The following GALNT9 variants were observed in gnomAD, a reference collection of about 807,000 sequenced individuals.
GALNT9 encodes the protein GalNAc transferase 9.
In GALNT9, 47 loss-of-function variants were observed where a neutral mutation model predicts 63.1. The ratio of observed to expected loss-of-function variants is 0.75; its 90% CI spans 0.59 to 0.95. GALNT9 has a LOEUF of 0.95. Among genes scored for constraint, GALNT9 ranks in the 40% least tolerant of loss-of-function variants. The probability of loss-of-function intolerance (pLI) is 0.00; values close to 1 mark genes in which losing one functional copy is unlikely to be tolerated. For missense variants in GALNT9, 829 were observed against 874.8 expected, an observed-to-expected ratio of 0.95 and a Z score of 0.66; for synonymous variants, 396 against 365.7, an observed-to-expected ratio of 1.08 and a Z score of -0.94.
chr12:132,225,315 C>T (rs1877609224), intron 6 of GALNT9, among the ~76,000 whole-genome samples: 1 of 135,610 alleles, frequency 7.4e-6, no homozygotes, highest in African/African-American at 2.8e-5. Flanking sequence ...ACACAACCCA[C>T]ATGCCACACA....
chr12:132,201,224 A>G lies in GALNT9; in HGVS notation c.1301T>C (p.Leu434Pro). Residue 434 changes from leucine to proline, a missense_variant, in exon 8 of 11, where the codon CTG (leucine) becomes CCG (proline). Leu to Pro is a moderately conservative substitution (Grantham distance 98). Transcript: ENST00000328957. ...ACACTTCAGCCTCTGACGCAGGGCC[A>G]GCCTCTCAGACACGTCCCCGAAGTC... ...GVDFGDVSER[L>P]ALRQRLKCRS... is the part of the protein sequence containing the mutation. 3 of 1,613,498 alleles carry G rather than the reference A, an allele frequency of 1.9e-6. No individual in the cohort carries two copies. The highest frequency in any genetic ancestry group is 2.5e-6 in the Non-Finnish European group (3 of 1,179,554).
chr12:132,201,302 C>G, intron 7 of GALNT9, 41 bp from the exon 8 acceptor site: 1 of 1,461,868 alleles, frequency 6.8e-7, no homozygotes, highest in African/African-American at 1.4e-5. Context: ...ATGGGTGTCA[C>G]CATGACCTGG....
intron 1 of GALNT9, among the ~76,000 whole-genome samples, chr12:132,313,449 CCATCCACT>C: frequency 6.7e-6 from 1 of 149,200 alleles, no homozygotes; most frequent in Middle Eastern, 3.5e-3. Flanking sequence ...ATCCATCCAT[CCATCCACT>C]CACCCACCCA....
At chr12:132,247,206 C>T (rs968088232) in intron 6 of GALNT9, among the ~76,000 whole-genome samples, 8 of 151,976 alleles carry the variant, frequency 5.3e-5, no homozygotes, top group African/African-American at 1.9e-4. Context: ...CAGACACAGT[C>T]CCGGGAGGCA....
chr12:132,203,799 CACCCCCACCACCGACG>C, intron 6 of GALNT9, 109 bp from the exon 7 acceptor site: 2 of 1,186,828 alleles, frequency 1.7e-6, no homozygotes, highest in African/African-American at 3.1e-5. Flanking sequence ...GTTCCTGGGG[CACCCCCACCACCGACG>C]GGCCTGGTGG....
In GALNT9 at chr12:132,315,804, A is replaced by G. The variant is rs1868482939; in HGVS notation, c.238+13162T>C. On this transcript the variant is annotated intron_variant, in intron 1 of 10. Transcript: ENST00000328957. The surrounding 1 kb of genome is among the most constrained non-coding windows in gnomAD (Gnocchi z 6.1). ...GCTGAGCCACCCACTCATACTCCCC[A>G]CCGCGTCACACAGGGTGTGAGTGAC... 6.6e-6 allele frequency among the ~76,000 whole-genome samples: 1 copy of G among 152,080 alleles called. No homozygotes were observed. Among genetic ancestry groups the G allele is most frequent in the South Asian group, 2.1e-4 (1 of 4,818 alleles).
intron 1 of GALNT9, among the ~76,000 whole-genome samples, chr12:132,305,166 G>C (rs1185374920): frequency 6.3e-4 from 13 of 20,614 alleles, no homozygotes; most frequent in Non-Finnish European, 8.2e-4. Flanking sequence ...CCTGGGCACA[G>C]CCTCGCCCGG....
rs573857585 is a variant in GALNT9 at position 132,328,945 on chromosome 12, C to T, written c.238+21G>A. The T allele has an allele frequency of 1.5e-4, 232 of 1,500,828 alleles. 1 individual carries two copies. Among genetic ancestry groups the T allele is most frequent in the Non-Finnish European group, 2.0e-4 (221 of 1,124,372 alleles). 93.0% of individuals were successfully genotyped at this position (1,500,828 alleles called of 1,614,324 possible). ...GTCCCGGGCAGGGCTGCCCCCACTC[C>T]GCCCCGGCGCCCCCGCTCACCGTTG... On this transcript the variant is annotated intron_variant, in intron 1 of 10. Coordinates refer to ENST00000328957, the MANE Select transcript of GALNT9 (RefSeq NM_001122636.2).
In GALNT9 at chr12:132,257,668, AC is replaced by A; in HGVS notation, c.959+20del. 1 of 1,530,936 alleles carries A rather than the reference AC, an allele frequency of 6.5e-7. No individual in the cohort carries two copies. 94.8% of individuals were successfully genotyped at this position (1,530,936 alleles called of 1,614,324 possible). Reference sequence around the variant, plus strand: ...TCCTTGCCGGGCAGGGCCGCCCTCGACCCCTGAGGGCGCAGCTCACCTGATG... The same window carrying A: ...TCCTTGCCGGGCAGGGCCGCCCTCGACCCTGAGGGCGCAGCTCACCTGATG... On this transcript the variant is annotated intron_variant, in intron 5 of 10. Transcript: ENST00000328957.
intron 2 of GALNT9, among the ~76,000 whole-genome samples, chr12:132,281,350 G>A (rs1438824059): frequency 5.9e-5 from 9 of 152,208 alleles, no homozygotes; most frequent in African/African-American, 1.9e-4. Flanking sequence ...GCAGGCGAGG[G>A]GCCAGGAGGC....
chr12:132,295,265 C>T (rs1881011811), intron 1 of GALNT9, among the ~76,000 whole-genome samples: 1 of 152,238 alleles, frequency 6.6e-6, no homozygotes, highest in African/African-American at 2.4e-5. Flanking sequence ...GGGCACCATG[C>T]AGGCAGGGAA....
intron 1 of GALNT9, among the ~76,000 whole-genome samples, chr12:132,301,580 C>T (rs966767684): frequency 3.3e-5 from 5 of 152,256 alleles, no homozygotes; most frequent in African/African-American, 4.8e-5. Context: ...GAACATTCAC[C>T]GCCGGCACAG....
intron 1 of GALNT9, among the ~76,000 whole-genome samples, chr12:132,324,284 G>A (rs533265062): frequency 3.3e-5 from 5 of 152,314 alleles, no homozygotes; most frequent in East Asian, 3.9e-4. Context: ...CGAGACGCAC[G>A]CGTGGCGGCA....
intron 5 of GALNT9, among the ~76,000 whole-genome samples, chr12:132,256,671 GAGGGGGGACACTGGA>G (rs1333735713): frequency 1.2e-4 from 13 of 111,052 alleles, no homozygotes; most frequent in African/African-American, 4.4e-4. Flanking sequence ...GGGGACGCTG[GAGGGGGGACACTGGA>G]AGGGGGGACA....
rs1869104915 is a variant in GALNT9, at chr12:132,327,860, G to A, written c.238+1106C>T. On this transcript the variant is annotated intron_variant, in intron 1 of 10. Coordinates refer to ENST00000328957, the MANE Select transcript of GALNT9 (RefSeq NM_001122636.2). The surrounding 1 kb of genome is among the most constrained non-coding windows in gnomAD (Gnocchi z 4.3). ...CAGCCCACCCTCAAGAGAGGGTGTG[G>A]CTCCTGAAGGAAACGCAAGACCACC... 6.6e-6 allele frequency among the ~76,000 whole-genome samples: 1 copy of A among 151,252 alleles called. No homozygotes were observed. The highest frequency in any genetic ancestry group is 2.0e-4 in the East Asian group (1 of 5,114).
chr12:132,230,022 C>T, intron 6 of GALNT9, among the ~76,000 whole-genome samples: 1 of 152,326 alleles, frequency 6.6e-6, no homozygotes, highest in Middle Eastern at 3.4e-3. Flanking sequence ...CCCGGTGCCG[C>T]CCCCTTGAAC....
At position 132,252,916 on chromosome 12, in the gene GALNT9, C is replaced by T. The variant is rs531943828; in HGVS notation, c.959+4773G>A. ...AAAAGACACGGAGACCAGTAGTGGC[C>T]CCGAACGGCTGGGTGCGCTGATATT... is the stretch of plus-strand genomic sequence containing the variant. On this transcript the variant is annotated intron_variant, in intron 5 of 10. Transcript: ENST00000328957. This position sits in a 1 kb window ranked among gnomAD's most constrained non-coding sequence, Gnocchi z 5.2. 9.3e-4 allele frequency among the ~76,000 whole-genome samples: 140 copies of T among 150,806 alleles called. No individual in the cohort carries two copies. The highest frequency in any genetic ancestry group is 3.3e-3 in the African/African-American group (134 of 41,154).
intron 1 of GALNT9, among the ~76,000 whole-genome samples, chr12:132,313,766 C>CCAT: frequency 6.9e-6 from 1 of 145,344 alleles, no homozygotes; most frequent in Middle Eastern, 3.7e-3. Context: ...ACCCATCCAC[C>CCAT]CAGCCATCCA....
chr12:132,257,657 G>A (rs1555239231), intron 5 of GALNT9, 32 bp downstream of exon 5: 3 of 1,509,874 alleles, frequency 2.0e-6, no homozygotes, highest in South Asian at 2.4e-5. Flanking sequence ...TGCCGGGCAG[G>A]GCCGCCCTCG....
Sources: allele counts gnomAD v4.1 joint callset (sites outside exome capture counted in the v4.1 genomes callset), GRCh38; gene constraint gnomAD v4.1.1; non-coding constraint Gnocchi (gnomAD v3.1); transcripts MANE v1.5; gene names NCBI Gene and HGNC (gene_info 2026-07-23, HGNC 2026-07-21).